GOLGB1: variants seen among roughly 807,000 people sequenced by gnomAD.
GOLGB1 encodes golgin B1.
A neutral mutation model predicts 336.9 loss-of-function variants in GOLGB1; 174 were observed. That is an observed-to-expected ratio of 0.52 (90% confidence interval 0.46 to 0.59). The LOEUF (loss-of-function observed/expected upper bound fraction) is 0.59. Among genes scored for constraint, GOLGB1 ranks in the 20% least tolerant of loss-of-function variants. The probability of loss-of-function intolerance (pLI) is 0.00; values close to 1 mark genes in which losing one functional copy is unlikely to be tolerated. For synonymous variants in GOLGB1, 1,208 were observed against 1,289.2 expected, an observed-to-expected ratio of 0.94 and a Z score of 1.35; for missense variants, 3,331 against 3,645.3, an observed-to-expected ratio of 0.91 and a Z score of 2.22.
chr3:121,716,966 C>T lies in GOLGB1; in HGVS notation c.1059G>A (p.Gln353=), dbSNP rs1560285259. The change falls in exon 9 of 22, where the codon CAG becomes CAA. Residue 353 remains glutamine (Q), a synonymous_variant. Transcript: ENST00000614479. ...LQEEMHHLLE[Q]FEQAGQAQAE... ...CCTGGGCTTGGCCTGCTTGCTCAAA[C>T]TGTTCTAAAAGATGATGCATTTCTT... 1 of 1,614,056 alleles carries T rather than the reference C, an allele frequency of 6.2e-7. No homozygotes were observed. The highest frequency in any genetic ancestry group is 1.7e-5 in the Admixed American group (1 of 60,008).
At chr3:121,741,363 A>G (rs1367831370) in intron 1 of GOLGB1, among the ~76,000 whole-genome samples, 1 of 152,186 alleles carries the variant, frequency 6.6e-6, no homozygotes. Flanking sequence ...ATGCTCTGAC[A>G]ATATATAGGA....
intron 1 of GOLGB1, among the ~76,000 whole-genome samples, chr3:121,735,079 G>T (rs1249838735): frequency 6.6e-6 from 1 of 152,150 alleles, no homozygotes; most frequent in Non-Finnish European, 1.5e-5. Flanking sequence ...ATAACATTTT[G>T]AACAAGTCCA....
intron 14 of GOLGB1, among the ~76,000 whole-genome samples, chr3:121,689,423 G>A (rs1222286074): frequency 2.0e-5 from 3 of 151,686 alleles, no homozygotes; most frequent in African/African-American, 7.3e-5. Flanking sequence ...GGTGCAAGAT[G>A]TGCTTTGTTA....
chr3:121,692,744 TG>T (rs1418027637), intron 13 of GOLGB1, among the ~76,000 whole-genome samples, 163 bp from the exon 14 acceptor site: 1 of 152,254 alleles, frequency 6.6e-6, no homozygotes, highest in Non-Finnish European at 1.5e-5. Flanking sequence ...TGCACCTACA[TG>T]TTTATCTACT....
At chr3:121,681,891 ATTAT>A (rs1941109659) in intron 14 of GOLGB1, 26 bp from the exon 15 acceptor site, 8 of 1,494,938 alleles carry the variant, frequency 5.4e-6, no homozygotes, top group Non-Finnish European at 7.4e-6. Flanking sequence ...AAGTAAAATG[ATTAT>A]TTGTCACATC....
chr3:121,677,922 G>A, intron 15 of GOLGB1, among the ~76,000 whole-genome samples: 1 of 152,210 alleles, frequency 6.6e-6, no homozygotes, highest in East Asian at 1.9e-4. Context: ...GACACAGCAA[G>A]CACCTAAACT....
At chr3:121,665,558 T>TA (rs1213103914) in intron 20 of GOLGB1, among the ~76,000 whole-genome samples, 1 of 152,110 alleles carries the variant, frequency 6.6e-6, no homozygotes, top group Non-Finnish European at 1.5e-5. Flanking sequence ...TAAATTGAAC[T>TA]AAAAAAAATT....
intron 1 of GOLGB1, among the ~76,000 whole-genome samples, chr3:121,738,262 A>G (rs937653675): frequency 8.5e-5 from 13 of 152,250 alleles, no homozygotes; most frequent in African/African-American, 2.9e-4. Context: ...AGAAAACAAA[A>G]TAACCAACTG....
Position 121,697,523 on chromosome 3 carries a change from G to A in GOLGB1, c.3000C>T (p.Leu1000=), listed in dbSNP as rs371637482. The A allele has an allele frequency of 6.2e-7, 1 of 1,613,430 alleles. No homozygotes were observed. Among genetic ancestry groups the A allele is most frequent in the Non-Finnish European group, 8.5e-7 (1 of 1,179,858 alleles). The part of the protein sequence containing the change: ...KKENEQRKRK[L]QAALINRKEL... ...CCTTTCTGTTAATAAGAGCTGCCTG[G>A]AGCTTTCTCTTTCTCTGCTCATTTT... The change falls in exon 13 of 22, where the codon CTC becomes CTT. Residue 1000 remains leucine (L), a synonymous_variant. Transcript: ENST00000614479.
chr3:121,711,769 A>T (rs1944377320), intron 10 of GOLGB1, among the ~76,000 whole-genome samples: 1 of 152,212 alleles, frequency 6.6e-6, no homozygotes, highest in Admixed American at 6.5e-5. Context: ...AAATGTTATA[A>T]TGTGCATAAT....
chr3:121,730,231 A>T, intron 2 of GOLGB1: 2 of 416,744 alleles, frequency 4.8e-6, no homozygotes, highest in Non-Finnish European at 4.2e-6. Flanking sequence ...ATCCCATTTA[A>T]GGTATTATTA....
intron 11 of GOLGB1, among the ~76,000 whole-genome samples, chr3:121,701,245 C>T (rs1044793941): frequency 6.6e-6 from 1 of 152,116 alleles, no homozygotes; most frequent in Non-Finnish European, 1.5e-5. Context: ...CATATAATAC[C>T]TCCAAACCAT....
chr3:121,690,560 G>A (rs771220689), intron 14 of GOLGB1, 110 bp downstream of exon 14: 212 of 520,730 alleles, frequency 4.1e-4, no homozygotes, highest in South Asian at 2.7e-4. Flanking sequence ...CTTTCCCTGC[G>A]TTCCCAGATA....
At chr3:121,688,073 A>G (rs1340467506) in intron 14 of GOLGB1, among the ~76,000 whole-genome samples, 1 of 152,238 alleles carries the variant, frequency 6.6e-6, no homozygotes, top group Non-Finnish European at 1.5e-5. Flanking sequence ...GAATACAATT[A>G]CCTACAATAA....
intron 5 of GOLGB1, 143 bp downstream of exon 5, chr3:121,726,767 CAAG>C: frequency 2.1e-6 from 1 of 465,424 alleles, no homozygotes; most frequent in East Asian, 3.7e-5. Context: ...AATTACCAGA[CAAG>C]AAGAAATGAA....
rs1013529172 is a variant in GOLGB1, at chr3:121,695,712, G to T, written c.4811C>A (p.Ala1604Glu). Residue 1604 changes from alanine to glutamate, a missense_variant, in exon 13 of 22, where the codon GCA becomes GAA. Ala to Glu is a moderately radical substitution (Grantham distance 107). Transcript: ENST00000614479. ...EIESLKSSKIAESTEWQEKHK... is the reference protein window; with the variant it reads ...EIESLKSSKIEESTEWQEKHK... ...TTTCTCTTGCCACTCAGTACTTTCTGCAATCTTAGAAGATTTCAAAGATTC... is the reference window on the plus strand; with the variant it reads ...TTTCTCTTGCCACTCAGTACTTTCTTCAATCTTAGAAGATTTCAAAGATTC... 5.6e-6 allele frequency: 9 copies of T among 1,611,004 alleles called. No homozygotes were observed. The highest frequency in any genetic ancestry group is 6.8e-6 in the Non-Finnish European group (8 of 1,179,860).
intron 12 of GOLGB1, among the ~76,000 whole-genome samples, chr3:121,699,309 A>G (rs1943202858): frequency 6.6e-6 from 1 of 152,174 alleles, no homozygotes; most frequent in Non-Finnish European, 1.5e-5. Flanking sequence ...GTATAATTCT[A>G]TCACTGACTT....
At chr3:121,720,977 C>A (rs372193133) in intron 6 of GOLGB1, among the ~76,000 whole-genome samples, 1 of 152,112 alleles carries the variant, frequency 6.6e-6, no homozygotes, top group African/African-American at 2.4e-5. Flanking sequence ...CCTTAAATTA[C>A]GATGAATCTC....
chr3:121,733,570 G>C (rs1472740468), intron 1 of GOLGB1, among the ~76,000 whole-genome samples: 1 of 152,088 alleles, frequency 6.6e-6, no homozygotes, highest in Admixed American at 6.5e-5. Flanking sequence ...TATAAAATTA[G>C]TGCAATTCCA....
Sources: gnomAD v4.1 joint callset for allele counts (sites outside exome capture counted in the v4.1 genomes callset) on GRCh38, gnomAD v4.1.1 for gene constraint, MANE v1.5 for transcripts, NCBI Gene and HGNC (gene_info 2026-07-23, HGNC 2026-07-21) for gene names.